The following RPH3A variants were observed in gnomAD, a reference collection of about 807,000 sequenced individuals.
RPH3A encodes the protein rabphilin 3A.
In RPH3A, 48 loss-of-function variants were observed where a neutral mutation model predicts 102.2. That is an observed-to-expected ratio of 0.47 (90% CI 0.37 to 0.60). RPH3A has a LOEUF of 0.60. RPH3A is among the 20% of genes least tolerant of loss of function. The pLI is 0.00. For synonymous variants in RPH3A, 310 were observed against 324.3 expected (o/e 0.96, Z 0.47); for missense variants, 781 against 910.1 (o/e 0.86, Z 1.83).
At chr12:112,780,561 G>T (rs2041000984) in intron 1 of RPH3A, among the ~76,000 whole-genome samples, 1 of 152,124 alleles carries the variant, frequency 6.6e-6, no homozygotes, top group Non-Finnish European at 1.5e-5. Flanking sequence ...GATAACATTG[G>T]CATTTTCATG....
intron 1 of RPH3A, among the ~76,000 whole-genome samples, chr12:112,598,561 T>C (rs1019886829): frequency 1.3e-5 from 2 of 152,132 alleles, no homozygotes; most frequent in African/African-American, 4.8e-5. Flanking sequence ...GAGTACTTGG[T>C]AAAATTGAAT....
intron 1 of RPH3A, among the ~76,000 whole-genome samples, chr12:112,756,026 T>C (rs1238455138): frequency 6.6e-6 from 1 of 152,092 alleles, no homozygotes; most frequent in Admixed American, 6.5e-5. Flanking sequence ...GAGAAATAAG[T>C]GCGAAGAAAT....
chr12:112,691,694 C>T (rs1303585679), intron 1 of RPH3A, among the ~76,000 whole-genome samples: 2 of 152,154 alleles, frequency 1.3e-5, no homozygotes, highest in African/African-American at 4.8e-5. Flanking sequence ...ACTCTACTTG[C>T]CTTAAACAGC....
intron 1 of RPH3A, among the ~76,000 whole-genome samples, chr12:112,597,410 C>T (rs2039525147): frequency 6.6e-6 from 1 of 151,994 alleles, no homozygotes; most frequent in East Asian, 1.9e-4. Flanking sequence ...TGGTAAAACC[C>T]CACCTCTACT....
At chr12:112,730,560 C>T (rs1303078303) in intron 1 of RPH3A, among the ~76,000 whole-genome samples, 5 of 152,194 alleles carry the variant, frequency 3.3e-5, no homozygotes, top group East Asian at 1.9e-4. Flanking sequence ...GCAAGGCCAG[C>T]GCATCCAGCA....
At chr12:112,697,744 A>G (rs1349194410) in intron 1 of RPH3A, among the ~76,000 whole-genome samples, 1 of 152,150 alleles carries the variant, frequency 6.6e-6, no homozygotes, top group Non-Finnish European at 1.5e-5. Flanking sequence ...ATATGCCTGT[A>G]GTCCTGGCTA....
At chr12:112,608,013 G>A (rs555899626) in intron 1 of RPH3A, among the ~76,000 whole-genome samples, 1 of 152,124 alleles carries the variant, frequency 6.6e-6, no homozygotes, top group South Asian at 2.1e-4. Flanking sequence ...GGGATGATTT[G>A]CTGTTCCCAA....
chr12:112,853,251 C>T (rs1228553794), intron 5 of RPH3A, among the ~76,000 whole-genome samples: 1 of 152,224 alleles, frequency 6.6e-6, no homozygotes, highest in Non-Finnish European at 1.5e-5. Flanking sequence ...TCATACTCTC[C>T]TCTTTCTAAA....
chr12:112,594,972 A>G (rs905139688), intron 1 of RPH3A, among the ~76,000 whole-genome samples: 6 of 152,202 alleles, frequency 3.9e-5, no homozygotes, highest in Non-Finnish European at 8.8e-5. Context: ...TGCACAGCAT[A>G]GTGGAAACAG....
chr12:112,857,046 GGTGTGT>G (rs138676313), intron 5 of RPH3A, among the ~76,000 whole-genome samples: 1 of 150,120 alleles, frequency 6.7e-6, no homozygotes, highest in Non-Finnish European at 1.5e-5. Context: ...CATCTGCAGG[GGTGTGT>G]GTGTGTGTGT....
chr12:112,631,425 G>A (rs2039804080), intron 1 of RPH3A, among the ~76,000 whole-genome samples: 1 of 152,104 alleles, frequency 6.6e-6, no homozygotes, highest in African/African-American at 2.4e-5. Context: ...TTTTTCAATG[G>A]GGTAAGGGGT....
intron 2 of RPH3A, among the ~76,000 whole-genome samples, chr12:112,799,694 C>T (rs1440862201): frequency 2.0e-5 from 3 of 152,174 alleles, no homozygotes; most frequent in Admixed American, 1.3e-4. Context: ...CCTTCCCTAA[C>T]CCCTGTCCCT....
chr12:112,895,642 G>A, intron 20 of RPH3A, 135 bp from the exon 21 acceptor site: 1 of 614,066 alleles, frequency 1.6e-6, no homozygotes, highest in Non-Finnish European at 3.0e-6. Context: ...ATCGGCACGG[G>A]AAGACCTCCT....
rs2042862308 is a variant in RPH3A at position 112,879,195 on chromosome 12, C to A, written c.1248C>A (p.Ala416=). Residue 416 remains alanine (A), a synonymous_variant, in exon 14 of 22, where the codon GCC becomes GCA. Transcript: ENST00000389385. ...NSSLQCTIIK[A]KGLKPMDSNG... ...CCCTGCAGTGCACCATCATTAAGGC[C>A]AAGGTGGGTGATGGGGACCATGCAG... 6.2e-7 allele frequency: 1 copy of A among 1,613,528 alleles called. No homozygotes were observed. Among genetic ancestry groups the A allele is most frequent in the East Asian group, 2.2e-5 (1 of 44,844 alleles).
At chr12:112,673,554 G>A (rs968789460) in intron 1 of RPH3A, among the ~76,000 whole-genome samples, 7 of 150,996 alleles carry the variant, frequency 4.6e-5, no homozygotes, top group African/African-American at 1.2e-4. Flanking sequence ...AAAAAAATCC[G>A]TGGGTACATA....
chr12:112,880,753 C>T (rs2891412), intron 14 of RPH3A, among the ~76,000 whole-genome samples: 7,883 of 152,224 alleles, frequency 0.052, 387 homozygotes, highest in Admixed American at 0.14. Context: ...GGAAGCCTTC[C>T]TGACAACATA....
chr12:112,747,395 G>A (rs1450166387), intron 1 of RPH3A, among the ~76,000 whole-genome samples: 1 of 152,182 alleles, frequency 6.6e-6, no homozygotes, highest in African/African-American at 2.4e-5. Context: ...ATCTGCTGGT[G>A]CTTTGATCTT....
At chr12:112,717,405 A>G (rs1037868716) in intron 1 of RPH3A, among the ~76,000 whole-genome samples, 2 of 152,162 alleles carry the variant, frequency 1.3e-5, no homozygotes, top group Admixed American at 1.3e-4. Flanking sequence ...AAATATTGTA[A>G]TATACATTAG....
chr12:112,584,422 C>A (rs991862512), intron 1 of RPH3A, among the ~76,000 whole-genome samples: 2 of 152,132 alleles, frequency 1.3e-5, no homozygotes, highest in Non-Finnish European at 2.9e-5. Flanking sequence ...GATATTTGAG[C>A]CTGAACTAAC....
Sources: gnomAD v4.1 joint callset for allele counts (sites outside exome capture counted in the v4.1 genomes callset) on GRCh38, gnomAD v4.1.1 for gene constraint, MANE v1.5 for transcripts, NCBI Gene and HGNC (gene_info 2026-07-23, HGNC 2026-07-21) for gene names.